PITPNC1: variants seen among roughly 807,000 people sequenced by gnomAD.
The protein encoded by PITPNC1 is phosphatidylinositol transfer protein cytoplasmic 1.
Under a neutral mutation model 44.7 loss-of-function variants are expected in PITPNC1, and 18 were observed. The observed-to-expected ratio is 0.40, with a 90% CI of 0.28 to 0.60. The LOEUF is 0.60. Ranked by LOEUF, PITPNC1 falls within the 20% of genes least tolerant of loss-of-function variation. The probability of loss-of-function intolerance (pLI) is 0.39; values close to 1 mark genes in which losing one functional copy is unlikely to be tolerated. For synonymous variants in PITPNC1, 141 were observed against 149.6 expected (o/e 0.94, Z 0.42); for missense variants, 290 against 418.4 (o/e 0.69, Z 2.68).
At chr17:67,673,570 G>A (rs1027025427) in intron 7 of PITPNC1, among the ~76,000 whole-genome samples, 3 of 151,812 alleles carry the variant, frequency 2.0e-5, no homozygotes, top group African/African-American at 4.8e-5. Flanking sequence ...AATGGTAAAC[G>A]GCCTTTTTCC....
chr17:67,432,945 G>A (rs1192091798), intron 1 of PITPNC1, among the ~76,000 whole-genome samples: 2 of 152,158 alleles, frequency 1.3e-5, no homozygotes, highest in Non-Finnish European at 2.9e-5. Context: ...TTCTGGAGGT[G>A]GGAGGAGGAC....
intron 6 of PITPNC1, among the ~76,000 whole-genome samples, chr17:67,665,856 T>G (rs1438758331): frequency 6.6e-6 from 1 of 151,696 alleles, no homozygotes; most frequent in Non-Finnish European, 1.5e-5. Flanking sequence ...TTTTTTTTTT[T>G]TTTTTTGAGA....
intron 6 of PITPNC1, among the ~76,000 whole-genome samples, chr17:67,641,698 G>C (rs1434161419): frequency 6.6e-6 from 1 of 151,888 alleles, no homozygotes; most frequent in African/African-American, 2.4e-5. Context: ...TCTGGAGACT[G>C]AGGGAAGAGG....
In PITPNC1 at chr17:67,694,297, T is replaced by G. The variant is rs1310885962; in HGVS notation, c.*1409T>G. The stretch of plus-strand genomic sequence containing the variant: ...TCCTCCAAGAGAGGAAGAGAAGAAG[T>G]AATTGGGCAACTTGGAGGCCCACGC... On this transcript the variant is annotated 3_prime_UTR_variant, in exon 9 of 9. Transcript: ENST00000581322. 1 of 152,228 alleles carries G rather than the reference T, an allele frequency of 6.6e-6. No individual in the cohort carries two copies. The highest frequency in any genetic ancestry group is 6.5e-5 in the Admixed American group (1 of 15,276). The allele number at this position is 152,228 out of a possible 1,614,324, so 9.4% of individuals were successfully genotyped here. A position where few individuals can be genotyped will look rare whatever the true frequency, so the allele number is the denominator to read the frequency against.
rs2042953232 is a variant in PITPNC1, at chr17:67,692,756, C to T, written c.867C>T (p.Ser289=). ...CCACAGACGCACCCGAATTTCTGTC[C>T]GTTCCCAAAGATCGGCCCCGGAAAA... ...PLSTDAPEFL[S]VPKDRPRKKS... is the part of the protein sequence containing the mutation. The change falls in exon 9 of 9, where the codon TCC becomes TCT. Residue 289 remains serine (S), a synonymous_variant. Coordinates refer to ENST00000581322, the MANE Select transcript of PITPNC1 (RefSeq NM_012417.4). The T allele has an allele frequency of 3.1e-6, 5 of 1,613,690 alleles. No homozygotes were observed. The highest frequency in any genetic ancestry group is 1.6e-4 in the Middle Eastern group (1 of 6,082).
chr17:67,502,739 C>CATTGTATTGT (rs1248101693), intron 1 of PITPNC1, among the ~76,000 whole-genome samples: 7 of 133,638 alleles, frequency 5.2e-5, no homozygotes, highest in East Asian at 4.2e-4. Flanking sequence ...TATTGCATTG[C>CATTGTATTGT]ATTGCATTGT....
intron 6 of PITPNC1, among the ~76,000 whole-genome samples, chr17:67,633,062 G>T (rs2041990792): frequency 6.6e-6 from 1 of 152,112 alleles, no homozygotes; most frequent in South Asian, 2.1e-4. Flanking sequence ...TTGTTATACG[G>T]TTTGTGCAAG....
intron 1 of PITPNC1, among the ~76,000 whole-genome samples, chr17:67,428,485 ATCGCACTACTGCACTTCAGCCT>A (rs766443439): frequency 8.3e-4 from 126 of 152,024 alleles, no homozygotes; most frequent in Non-Finnish European, 1.2e-3. Context: ...GGCTGCAGAA[ATCGCACTACTGCACTTCAGCCT>A]GGGCAACAGA....
At chr17:67,543,500 T>C (rs1027911216) in intron 2 of PITPNC1, among the ~76,000 whole-genome samples, 1 of 152,252 alleles carries the variant, frequency 6.6e-6, no homozygotes, top group Admixed American at 6.5e-5. Context: ...TTTTTGATGA[T>C]AGCCATCCTA....
chr17:67,582,454 TAAG>T (rs1230407989), intron 5 of PITPNC1, among the ~76,000 whole-genome samples: 1 of 152,148 alleles, frequency 6.6e-6, no homozygotes, highest in Non-Finnish European at 1.5e-5. Flanking sequence ...TTGATGACGA[TAAG>T]AAGCAATAAT....
At chr17:67,388,368 C>T (rs1393939514) in intron 1 of PITPNC1, among the ~76,000 whole-genome samples, 2 of 150,474 alleles carry the variant, frequency 1.3e-5, no homozygotes, top group East Asian at 3.9e-4. Context: ...CTCTTGTTGC[C>T]CAGGCTGGAG....
chr17:67,553,594 G>A lies in PITPNC1; in HGVS notation c.287-16G>A. The A allele has an allele frequency of 8.3e-7, 1 of 1,199,354 alleles. No individual in the cohort carries two copies. Among genetic ancestry groups the A allele is most frequent in the African/African-American group, 1.5e-5 (1 of 65,252 alleles). The allele number at this position is 1,199,354 out of a possible 1,614,324, so 74.3% of individuals were successfully genotyped here. A position where few individuals can be genotyped will look rare whatever the true frequency, so the allele number is the denominator to read the frequency against. On this transcript the variant is annotated splice_polypyrimidine_tract_variant and intron_variant, in intron 3 of 8. Transcript: ENST00000581322. ...TTTTTCTTTCCTCTCTTCTTCAAAT[G>A]AACATGTGGAAACAGAATACACAGT...
intron 1 of PITPNC1, among the ~76,000 whole-genome samples, chr17:67,384,971 C>T (rs1320807394): frequency 6.6e-6 from 1 of 152,172 alleles, no homozygotes; most frequent in Admixed American, 6.5e-5. Flanking sequence ...AAAGTTTTCT[C>T]AAGAACGAGC....
chr17:67,481,724 C>T (rs147970684), intron 1 of PITPNC1, among the ~76,000 whole-genome samples: 8 of 151,096 alleles, frequency 5.3e-5, no homozygotes, highest in Admixed American at 2.0e-4. Context: ...GAGGGCATTT[C>T]CTTTTGGAAT....
chr17:67,600,286 A>T (rs2144272288), intron 5 of PITPNC1, among the ~76,000 whole-genome samples: 1 of 152,288 alleles, frequency 6.6e-6, no homozygotes, highest in Middle Eastern at 3.4e-3. Flanking sequence ...ATAACAACAA[A>T]GCCTCCCACT....
intron 1 of PITPNC1, among the ~76,000 whole-genome samples, chr17:67,425,980 CTTTA>C (rs1351045381): frequency 6.6e-6 from 1 of 152,186 alleles, no homozygotes; most frequent in Non-Finnish European, 1.5e-5. Flanking sequence ...TTCAATAAAA[CTTTA>C]TTTAACACAT....
In PITPNC1 at chr17:67,532,942, T is replaced by C. The variant is rs2040482377; in HGVS notation, c.189T>C (p.Tyr63=). 1.2e-6 allele frequency: 2 copies of C among 1,608,334 alleles called. No individual in the cohort carries two copies. Among genetic ancestry groups the C allele is most frequent in the Non-Finnish European group, 1.7e-6 (2 of 1,178,160 alleles). ...GNGQFTEKRV[Y]LNSKLPSWAR... is the part of the protein sequence containing the mutation. Reference sequence around the variant, plus strand: ...GGCAGTTCACCGAGAAGCGGGTGTATCTCAACAGGTGAGTCATGGCAGCCT... The same window carrying C: ...GGCAGTTCACCGAGAAGCGGGTGTACCTCAACAGGTGAGTCATGGCAGCCT... Residue 63 remains tyrosine (Y), a synonymous_variant, in exon 2 of 9, where the codon TAT becomes TAC. Coordinates refer to ENST00000581322, the MANE Select transcript of PITPNC1 (RefSeq NM_012417.4).
chr17:67,415,764 T>C (rs1398249252), intron 1 of PITPNC1, among the ~76,000 whole-genome samples: 1 of 152,218 alleles, frequency 6.6e-6, no homozygotes, highest in Non-Finnish European at 1.5e-5. Context: ...CCTGAGGCTT[T>C]ATAGCATTTT....
chr17:67,425,193 G>GCGCGCGCGCGCGCGCGCGCA (rs1160522771), intron 1 of PITPNC1, among the ~76,000 whole-genome samples: 3 of 52,118 alleles, frequency 5.8e-5, no homozygotes, highest in South Asian at 4.8e-4. Context: ...TTGTGCGCGC[G>GCGCGCGCGCGCGCGCGCGCA]CACGCACACG....
Sources: allele counts gnomAD v4.1 joint callset (sites outside exome capture counted in the v4.1 genomes callset), GRCh38; gene constraint gnomAD v4.1.1; transcripts MANE v1.5; gene names NCBI Gene and HGNC (gene_info 2026-07-23, HGNC 2026-07-21).